CLDN18: variants seen among roughly 807,000 people sequenced by gnomAD.
CLDN18 encodes claudin-18.
Under a neutral mutation model 25.0 loss-of-function variants are expected in CLDN18, and 20 were observed. The ratio of observed to expected loss-of-function variants is 0.80; its 90% confidence interval spans 0.56 to 1.16. CLDN18 has a LOEUF of 1.16. Ranked by LOEUF, CLDN18 falls within the 50% of genes most tolerant of loss-of-function variation. CLDN18 has a pLI of 0.00. For missense variants in CLDN18, 297 were observed against 345.4 expected (o/e 0.86, Z 1.11); for synonymous variants, 125 against 135.6 (o/e 0.92, Z 0.54).
At chr3:138,023,916 G>T in intron 2 of CLDN18, 94 bp downstream of exon 2, 9 of 1,288,596 alleles carry the variant, frequency 7.0e-6, no homozygotes, top group Non-Finnish European at 9.7e-6. Flanking sequence ...GCTGAATGTG[G>T]TTCAGAACTT....
At chr3:138,030,761 A>G (rs1942382255) in intron 4 of CLDN18, among the ~76,000 whole-genome samples, 2 of 152,332 alleles carry the variant, frequency 1.3e-5, no homozygotes, top group South Asian at 4.1e-4. Flanking sequence ...AAGCTCTAAA[A>G]CAGTGCAAGA....
intron 1 of CLDN18, among the ~76,000 whole-genome samples, 172 bp downstream of exon 1, chr3:138,010,617 T>C (rs1942126375): frequency 6.6e-6 from 1 of 152,166 alleles, no homozygotes; most frequent in Admixed American, 6.5e-5. Flanking sequence ...GCAACAGTCA[T>C]GCAGGAGAAA....
intron 2 of CLDN18, among the ~76,000 whole-genome samples, 200 bp downstream of exon 2, chr3:138,024,022 G>A (rs1942297725): frequency 6.6e-6 from 1 of 152,166 alleles, no homozygotes; most frequent in East Asian, 1.9e-4. Flanking sequence ...CAATATAAGA[G>A]GTTCTTAGCT....
chr3:138,019,324 A>G (rs544479418), intron 1 of CLDN18, among the ~76,000 whole-genome samples: 2 of 152,280 alleles, frequency 1.3e-5, no homozygotes, highest in South Asian at 4.1e-4. Flanking sequence ...CCTCTCCCAT[A>G]TTATTCTCAA....
rs761927288 is a variant in CLDN18 at position 138,010,345 on chromosome 3, C to T, written c.120C>T (p.Val40=). The T allele has an allele frequency of 6.2e-7, 1 of 1,614,228 alleles. No individual in the cohort carries two copies. The highest frequency in any genetic ancestry group is 8.5e-7 in the Non-Finnish European group (1 of 1,180,040). The change falls in exon 1 of 5, where the codon GTC becomes GTT. Residue 40 remains valine, a synonymous_variant. Transcript: ENST00000183605. The part of the protein sequence containing the change: ...WSTQDLYDNP[V]TSVFQYEGLW... ...CCCAGGACCTGTACGACAACCCCGT[C>T]ACCTCCGTGTTCCAGTACGAAGGGC... is the stretch of plus-strand genomic sequence containing the variant.
At chr3:138,009,923 G>A (rs1374088608), upstream of CLDN18, 5 of 369,478 alleles carry the variant, frequency 1.4e-5, no homozygotes, top group Non-Finnish European at 2.5e-5. Flanking sequence ...GAGCTGGAGG[G>A]AGGCCGGTCT....
chr3:138,028,962 A>T (rs1193280829), intron 3 of CLDN18, among the ~76,000 whole-genome samples: 2 of 152,192 alleles, frequency 1.3e-5, no homozygotes, highest in Non-Finnish European at 2.9e-5. Context: ...CTCAATAAAG[A>T]CTTGTTGAAC....
At chr3:138,004,785 G>GATAATTTTAAATATTTAAAAATATAAT (rs1942052784) in intron 1 of CLDN18, 1 of 150,542 alleles carries the variant, frequency 6.6e-6, no homozygotes. Context: ...AAAAATATAA[G>GATAATTTTAAATATTTAAAAATATAAT]ATAATTTTAA....
At chr3:138,025,390 A>G (rs1942315323) in intron 3 of CLDN18, among the ~76,000 whole-genome samples, 1 of 152,210 alleles carries the variant, frequency 6.6e-6, no homozygotes, top group Admixed American at 6.5e-5. Context: ...TAGTCACTTT[A>G]AAGGGATAGA....
intron 1 of CLDN18, 63 bp downstream of exon 1, chr3:138,010,508 G>C: frequency 1.3e-6 from 2 of 1,590,160 alleles, no homozygotes; most frequent in South Asian, 1.1e-5. Context: ...GGGGGCGTTT[G>C]CGTTAAGCCC....
intron 1 of CLDN18, among the ~76,000 whole-genome samples, chr3:138,001,546 G>A (rs374903834): frequency 6.6e-6 from 1 of 152,122 alleles, no homozygotes; most frequent in African/African-American, 2.4e-5. Context: ...TTATGCTGGA[G>A]AGATAGGGAG....
upstream of CLDN18, among the ~76,000 whole-genome samples, chr3:138,009,631 CCTTAA>C (rs1260804534): frequency 2.0e-5 from 3 of 152,146 alleles, no homozygotes; most frequent in Non-Finnish European, 2.9e-5. Context: ...GGGACAAGTC[CCTTAA>C]CTTATCTGTA....
chr3:138,013,975 T>C (rs1447251487), intron 1 of CLDN18, among the ~76,000 whole-genome samples: 1 of 150,824 alleles, frequency 6.6e-6, no homozygotes, highest in Non-Finnish European at 1.5e-5. Flanking sequence ...AACAGAGGAA[T>C]GTAAATATGG....
At chr3:138,013,564 C>T (rs946485296) in intron 1 of CLDN18, among the ~76,000 whole-genome samples, 1 of 152,246 alleles carries the variant, frequency 6.6e-6, no homozygotes, top group African/African-American at 2.4e-5. Context: ...ACACATGTCA[C>T]TCACAGTGCG....
Position 138,024,593 on chromosome 3 carries a change from T to G in CLDN18, c.386-14T>G, listed in dbSNP as rs372504724. 150 of 1,555,230 alleles carry G rather than the reference T, an allele frequency of 9.6e-5. 1 individual carries two copies. Among genetic ancestry groups the G allele is most frequent in the Admixed American group, 2.0e-4 (12 of 59,780 alleles). ...TGAAACTAACTCTGGAGTTTTCTTT[T>G]TCTTTGCCCACAGGTCTTTGTGCAA... On this transcript the variant is annotated splice_polypyrimidine_tract_variant and intron_variant, in intron 2 of 4. Coordinates refer to ENST00000183605, the MANE Select transcript of CLDN18 (RefSeq NM_016369.4).
At chr3:138,019,977 C>G (rs1358288644) in intron 1 of CLDN18, among the ~76,000 whole-genome samples, 1 of 152,196 alleles carries the variant, frequency 6.6e-6, no homozygotes, top group Non-Finnish European at 1.5e-5. Flanking sequence ...GTTGACTCAC[C>G]TGTTATCAGC....
chr3:138,009,224 C>T (rs975871232), upstream of CLDN18, among the ~76,000 whole-genome samples: 1 of 152,116 alleles, frequency 6.6e-6, no homozygotes, highest in African/African-American at 2.4e-5. Context: ...GAGTTTGCCC[C>T]CAACCTGCCC....
At chr3:138,010,587 G>C (rs1455037475) in intron 1 of CLDN18, 142 bp downstream of exon 1, 27 of 1,088,834 alleles carry the variant, frequency 2.5e-5, no homozygotes, top group African/African-American at 9.4e-5. Context: ...AAAAGGAGAA[G>C]CTGGCTCGTG....
Position 138,023,665 on chromosome 3 carries a change from G to A in CLDN18, c.228G>A (p.Leu76=). The change falls in exon 2 of 5, where the codon CTG becomes CTA. Residue 76 remains leucine (L), a synonymous_variant. Coordinates refer to ENST00000183605, the MANE Select transcript of CLDN18 (RefSeq NM_016369.4). ...YFTILGLPAM[L]QAVRALMIVG... is the part of the protein sequence containing the mutation. ...TTGCCCCTTGTCCCACAGCCATGCTGCAGGCAGTGCGAGCCCTGATGATCG... is the reference window on the plus strand; with the variant it reads ...TTGCCCCTTGTCCCACAGCCATGCTACAGGCAGTGCGAGCCCTGATGATCG... The A allele has an allele frequency of 6.2e-7, 1 of 1,613,630 alleles. No individual in the cohort carries two copies. Among genetic ancestry groups the A allele is most frequent in the South Asian group, 1.1e-5 (1 of 91,020 alleles).
Sources: allele counts gnomAD v4.1 joint callset (sites outside exome capture counted in the v4.1 genomes callset), GRCh38; gene constraint gnomAD v4.1.1; transcripts MANE v1.5; gene names NCBI Gene and HGNC (gene_info 2026-07-23, HGNC 2026-07-21).